The following MDGA2 variants were observed in gnomAD, a reference collection of about 807,000 sequenced individuals.
MDGA2 encodes the protein MAM domain-containing glycosylphosphatidylinositol anchor protein 2.
A neutral mutation model predicts 117.8 loss-of-function variants in MDGA2; 40 were observed. That is an observed-to-expected ratio of 0.34 (90% confidence interval 0.26 to 0.44). The LOEUF (loss-of-function observed/expected upper bound fraction) is 0.44, where lower values mean the gene tolerates loss of function less well. MDGA2 is among the 20% of genes least tolerant of loss of function. The pLI is 1.00. For synonymous variants in MDGA2, 452 were observed against 439.0 expected, an observed-to-expected ratio of 1.03 and a Z score of -0.37; for missense variants, 1,123 against 1,250.6, an observed-to-expected ratio of 0.90 and a Z score of 1.54.
intron 1 of MDGA2, among the ~76,000 whole-genome samples, chr14:47,359,748 C>CAAAAAAAAAAAAAAAAAA (rs71448198): frequency 4.5e-5 from 5 of 110,752 alleles, no homozygotes; most frequent in African/African-American, 1.1e-4. Context: ...AAGACTGTCT[C>CAAAAAAAAAAAAAAAAAA]AAAAAAAAAA....
At chr14:47,213,396 G>A (rs1408718328) in intron 3 of MDGA2, among the ~76,000 whole-genome samples, 2 of 152,088 alleles carry the variant, frequency 1.3e-5, no homozygotes, top group East Asian at 3.9e-4. Context: ...CTAATGTTTT[G>A]AAGTTGCATG....
At chr14:46,888,242 A>T (rs1566509042) in intron 10 of MDGA2, among the ~76,000 whole-genome samples, 1 of 151,992 alleles carries the variant, frequency 6.6e-6, no homozygotes, top group Non-Finnish European at 1.5e-5. Context: ...AACTAAATGC[A>T]ATGTTTGCAC....
chr14:47,538,909 C>T (rs551425652), intron 1 of MDGA2, among the ~76,000 whole-genome samples: 8 of 152,182 alleles, frequency 5.3e-5, no homozygotes, highest in Non-Finnish European at 7.4e-5. Context: ...TCAGGGGTAA[C>T]GGAGTACCTA....
chr14:47,557,507 G>A (rs969977561), intron 1 of MDGA2, among the ~76,000 whole-genome samples: 2 of 152,154 alleles, frequency 1.3e-5, no homozygotes, highest in Non-Finnish European at 2.9e-5. Context: ...TTCATGACAG[G>A]TCTTTAAGAA....
At chr14:47,583,920 C>A (rs906289706) in intron 1 of MDGA2, among the ~76,000 whole-genome samples, 1 of 151,768 alleles carries the variant, frequency 6.6e-6, no homozygotes, top group South Asian at 2.1e-4. Flanking sequence ...GGAAGACAAT[C>A]TTATCCCTAC....
At position 47,278,973 on chromosome 14, in the gene MDGA2, T is replaced by C. The variant is rs552551159; in HGVS notation, c.420+22438A>G. 9.5e-4 allele frequency among the ~76,000 whole-genome samples: 144 copies of C among 152,302 alleles called. 1 individual carries two copies. The highest frequency in any genetic ancestry group is 3.2e-3 in the African/African-American group (131 of 41,568). On this transcript the variant is annotated intron_variant, in intron 2 of 16. Coordinates refer to ENST00000399232, the MANE Select transcript of MDGA2 (RefSeq NM_001113498.3). ...GGCTTTATTATTTTTAAAAACTGCA[T>C]AGTATTCTGCTTTTTGATTGATTTA...
intron 1 of MDGA2, among the ~76,000 whole-genome samples, chr14:47,307,418 T>A (rs551050406): frequency 1.3e-5 from 2 of 152,190 alleles, no homozygotes; most frequent in Non-Finnish European, 2.9e-5. Flanking sequence ...TGGTGGCTTA[T>A]GCCTGTAATC....
intron 8 of MDGA2, among the ~76,000 whole-genome samples, chr14:47,023,641 T>C (rs1446205245): frequency 6.6e-6 from 1 of 152,192 alleles, no homozygotes; most frequent in East Asian, 1.9e-4. Context: ...AGAATGACTT[T>C]GCTCTTGATA....
chr14:47,418,791 T>C (rs529139287), intron 1 of MDGA2, among the ~76,000 whole-genome samples: 25 of 152,264 alleles, frequency 1.6e-4, no homozygotes, highest in African/African-American at 5.1e-4. Context: ...ATGAGAGAAA[T>C]AGAACCCAGG....
intron 9 of MDGA2, among the ~76,000 whole-genome samples, chr14:46,946,221 C>T (rs1481081824): frequency 2.6e-5 from 4 of 151,946 alleles, no homozygotes; most frequent in African/African-American, 9.7e-5. Flanking sequence ...TAGTAGTGCT[C>T]TATATATGAG....
At chr14:47,467,369 AG>A in intron 1 of MDGA2, among the ~76,000 whole-genome samples, 1 of 152,258 alleles carries the variant, frequency 6.6e-6, no homozygotes, top group Middle Eastern at 3.4e-3. Context: ...TTCAAGCAAA[AG>A]GAAATCTGAA....
chr14:47,464,100 T>TACACACACACACAC (rs71449610), intron 1 of MDGA2, among the ~76,000 whole-genome samples: 1 of 141,516 alleles, frequency 7.1e-6, no homozygotes, highest in Non-Finnish European at 1.5e-5. Context: ...ACTTACTATG[T>TACACACACACACAC]ACACACACAC....
At chr14:46,965,033 C>A (rs1885969226) in intron 8 of MDGA2, among the ~76,000 whole-genome samples, 2 of 126,464 alleles carry the variant, frequency 1.6e-5, no homozygotes, top group African/African-American at 3.8e-5. Context: ...ACGCCATTCT[C>A]CTGCCTCAGC....
Position 46,877,252 on chromosome 14 carries a change from C to A in MDGA2, c.2437+237G>T, listed in dbSNP as rs532779121. ...ATATTAAGCAGGTTGGTAAATGGCTCCATATTTCAATATTTAGGAAAATCT... is the reference window on the plus strand; with the variant it reads ...ATATTAAGCAGGTTGGTAAATGGCTACATATTTCAATATTTAGGAAAATCT... On this transcript the variant is annotated intron_variant, in intron 12 of 16. Transcript: ENST00000399232. Among the ~76,000 whole-genome samples the A allele has an allele frequency of 5.9e-5, 9 of 151,594 alleles. No individual in the cohort carries two copies. In the East Asian group the frequency reaches 1.7e-3, roughly 29 times the overall value.
intron 1 of MDGA2, among the ~76,000 whole-genome samples, chr14:47,454,514 A>G (rs970852126): frequency 2.6e-5 from 4 of 152,208 alleles, no homozygotes; most frequent in African/African-American, 9.6e-5. Flanking sequence ...TAATGTCCTT[A>G]AGGTATCAAT....
At chr14:47,652,165 G>GC (rs1174263083) in intron 1 of MDGA2, among the ~76,000 whole-genome samples, 1 of 152,152 alleles carries the variant, frequency 6.6e-6, no homozygotes, top group Non-Finnish European at 1.5e-5. Context: ...GGAAGAACTA[G>GC]CAAAAGATAT....
At chr14:47,160,444 A>C (rs1461255651) in intron 3 of MDGA2, among the ~76,000 whole-genome samples, 1 of 152,190 alleles carries the variant, frequency 6.6e-6, no homozygotes, top group Admixed American at 6.6e-5. Flanking sequence ...CTATAATCCC[A>C]GCACTTTGGC....
At chr14:47,419,734 TA>T (rs1892541156) in intron 1 of MDGA2, among the ~76,000 whole-genome samples, 1 of 152,044 alleles carries the variant, frequency 6.6e-6, no homozygotes, top group Non-Finnish European at 1.5e-5. Context: ...ATTATTGTTA[TA>T]AATATACTGC....
At chr14:47,395,599 G>A (rs1891991051) in intron 1 of MDGA2, among the ~76,000 whole-genome samples, 1 of 151,928 alleles carries the variant, frequency 6.6e-6, no homozygotes, top group South Asian at 2.1e-4. Flanking sequence ...ATTTTTGAGA[G>A]TTACAATGAA....
Sources: gnomAD v4.1 joint callset for allele counts (sites outside exome capture counted in the v4.1 genomes callset) on GRCh38, gnomAD v4.1.1 for gene constraint, MANE v1.5 for transcripts, NCBI Gene and HGNC (gene_info 2026-07-23, HGNC 2026-07-21) for gene names.